OSBPL5: variants seen among roughly 807,000 people sequenced by gnomAD.
OSBPL5 encodes oxysterol binding protein like 5, also known as oxysterol-binding protein-related protein 5.
In OSBPL5, 71 loss-of-function variants were observed where a neutral mutation model predicts 111.2. The observed-to-expected ratio is 0.64, with a 90% confidence interval of 0.53 to 0.78. The LOEUF is 0.78. Ranked by LOEUF, OSBPL5 falls within the 30% of genes least tolerant of loss-of-function variation. OSBPL5 has a pLI of 0.00. For synonymous variants in OSBPL5, 549 were observed against 513.9 expected (o/e 1.07, Z -0.93); for missense variants, 1,210 against 1,189.3 (o/e 1.02, Z -0.26).
In OSBPL5 at chr11:3,121,967, C is replaced by G. The variant is rs1264438379; in HGVS notation, c.402+30G>C. ...TGGCAGCAGCACGCTGACCCGTGTC[C>G]TGGGTGGCCGGAGGCCGGGCATCAC... is the stretch of plus-strand genomic sequence containing the variant. On this transcript the variant is annotated intron_variant, in intron 5 of 21. Coordinates refer to ENST00000263650, the MANE Select transcript of OSBPL5 (RefSeq NM_020896.4). The surrounding 1 kb of genome is among the most constrained non-coding windows in gnomAD (Gnocchi z 4.3). 1.3e-6 allele frequency: 2 copies of G among 1,533,056 alleles called. No homozygotes were observed. The highest frequency in any genetic ancestry group is 1.8e-6 in the Non-Finnish European group (2 of 1,140,234). The allele number at this position is 1,533,056 out of a possible 1,614,324, so 95.0% of individuals were successfully genotyped here.
chr11:3,144,580 C>T (rs1436800879), intron 1 of OSBPL5, among the ~76,000 whole-genome samples: 2 of 152,256 alleles, frequency 1.3e-5, no homozygotes, highest in Non-Finnish European at 2.9e-5. Flanking sequence ...AGACAGCAGA[C>T]ACCGGCCCCA....
chr11:3,143,869 C>CTGA (rs1846237542), intron 1 of OSBPL5, among the ~76,000 whole-genome samples: 1 of 152,286 alleles, frequency 6.6e-6, no homozygotes, highest in East Asian at 1.9e-4. Context: ...GAGCAGGGCC[C>CTGA]GAGGAAGGCA....
intron 11 of OSBPL5, 143 bp downstream of exon 11, chr11:3,103,096 C>A (rs1857514009): frequency 1.5e-6 from 1 of 659,412 alleles, no homozygotes; most frequent in Non-Finnish European, 2.5e-6. Context: ...AGGACCTGGG[C>A]CCTCTGTGGG....
chr11:3,162,705 T>G lies in OSBPL5; in HGVS notation c.-22+2511A>C, dbSNP rs1847002439. ...AAGGCCCCAAAACCTTTAAAAATCT[T>G]GACCAGCCCAGGAGCCCCATCCTCA... On this transcript the variant is annotated intron_variant, in intron 1 of 21. Coordinates refer to ENST00000263650, the MANE Select transcript of OSBPL5 (RefSeq NM_020896.4). This position sits in a 1 kb window ranked among gnomAD's most constrained non-coding sequence, Gnocchi z 8.1. Among the ~76,000 whole-genome samples, 1 of 151,970 alleles carries G rather than the reference T, an allele frequency of 6.6e-6. No homozygotes were observed. Among genetic ancestry groups the G allele is most frequent in the Non-Finnish European group, 1.5e-5 (1 of 67,998 alleles).
At chr11:3,134,149 T>C (rs773405542) in intron 1 of OSBPL5, among the ~76,000 whole-genome samples, 29 of 152,340 alleles carry the variant, frequency 1.9e-4, no homozygotes, top group Non-Finnish European at 3.5e-4. Context: ...CTTCTGCAGC[T>C]TCCATTCCTG....
rs1564830527 is a variant in OSBPL5 at position 3,103,831 on chromosome 11, C to CCTGCCTCTG, written c.1244+361_1244+362insCAGAGGCAG. The stretch of plus-strand genomic sequence containing the variant: ...CTCTTCCTGCCTGCGCAGCCCCCTT[C>CCTGCCTCTG]CAGCCTCTGCAGCCCCTTTCCAGTC... On this transcript the variant is annotated intron_variant, in intron 10 of 21. Transcript: ENST00000263650. Among the ~76,000 whole-genome samples, 31 of 66,138 alleles carry CCTGCCTCTG rather than the reference C, an allele frequency of 4.7e-4. No homozygotes were observed. The East Asian group carries it at 6.0e-3, about 13-fold the overall frequency. The allele number at this position is 66,138 out of a possible 152,430, so 43.4% of individuals were successfully genotyped here.
chr11:3,116,804 G>A (rs920525578), intron 7 of OSBPL5, among the ~76,000 whole-genome samples: 2 of 146,382 alleles, frequency 1.4e-5, no homozygotes, highest in Non-Finnish European at 3.0e-5. Flanking sequence ...GCAGTGAGCC[G>A]AGATGGCGCC....
rs1340996211 is a variant in OSBPL5, at chr11:3,121,544, G to A, written c.402+453C>T. 2.6e-5 allele frequency among the ~76,000 whole-genome samples: 4 copies of A among 152,118 alleles called. No homozygotes were observed. Among genetic ancestry groups the A allele is most frequent in the African/African-American group, 9.7e-5 (4 of 41,404 alleles). On this transcript the variant is annotated intron_variant, in intron 5 of 21. Coordinates refer to ENST00000263650, the MANE Select transcript of OSBPL5 (RefSeq NM_020896.4). The surrounding 1 kb of genome is among the most constrained non-coding windows in gnomAD (Gnocchi z 4.3). ...CGTTGCCCAGCAGCCTCGGAGTTGG[G>A]CAGTTTTACCTCCACTGTACACAAG...
chr11:3,093,086 C>T, intron 17 of OSBPL5, 34 bp from the exon 18 acceptor site: 1 of 1,486,598 alleles, frequency 6.7e-7, no homozygotes, highest in Non-Finnish European at 9.0e-7. Flanking sequence ...AGCCAGTGGC[C>T]CGGGCAGCCC....
intron 1 of OSBPL5, among the ~76,000 whole-genome samples, chr11:3,135,125 C>A (rs952415408): frequency 6.6e-6 from 1 of 152,262 alleles, no homozygotes; most frequent in African/African-American, 2.4e-5. Flanking sequence ...CAGCTGACCG[C>A]CCCCGTGCGT....
At chr11:3,111,850 C>T (rs565606707) in intron 7 of OSBPL5, among the ~76,000 whole-genome samples, 14 of 152,270 alleles carry the variant, frequency 9.2e-5, no homozygotes, top group East Asian at 3.9e-4. Flanking sequence ...TCTGTGTCCT[C>T]GTTGAAATTT....
rs564597360 is a variant in OSBPL5, at chr11:3,121,251, T to C, written c.403-627A>G. On this transcript the variant is annotated intron_variant, in intron 5 of 21. Coordinates refer to ENST00000263650, the MANE Select transcript of OSBPL5 (RefSeq NM_020896.4). This position sits in a 1 kb window ranked among gnomAD's most constrained non-coding sequence, Gnocchi z 4.3. ...TTCTGTATTTTTAGTAGAGACGGGG[T>C]TTTGCCATTTTGGACAGGCTGGTCT... 4.2e-4 allele frequency among the ~76,000 whole-genome samples: 64 copies of C among 151,698 alleles called. No individual in the cohort carries two copies. The highest frequency in any genetic ancestry group is 6.9e-4 in the Non-Finnish European group (47 of 67,928).
rs1475206305 is a variant in OSBPL5, at chr11:3,121,770, C to T, written c.402+227G>A. 5.2e-6 allele frequency: 3 copies of T among 573,420 alleles called. No homozygotes were observed. The highest frequency in any genetic ancestry group is 2.1e-5 in the South Asian group (1 of 47,142). 35.5% of individuals were successfully genotyped at this position (573,420 alleles called of 1,614,324 possible). A position where few individuals can be genotyped will look rare whatever the true frequency, so the allele number is the denominator to read the frequency against. ...ATAATCAGGTGAAGATGGGGCTACA[C>T]TGGAGTAAGGTGGCCCTAATTCCTA... On this transcript the variant is annotated intron_variant, in intron 5 of 21. Transcript: ENST00000263650. This position sits in a 1 kb window ranked among gnomAD's most constrained non-coding sequence, Gnocchi z 4.3.
rs781098795 is a variant in OSBPL5, at chr11:3,107,490, C to A, written c.867-35G>T. The A allele has an allele frequency of 6.2e-7, 1 of 1,609,076 alleles. No individual in the cohort carries two copies. Among genetic ancestry groups the A allele is most frequent in the Admixed American group, 1.7e-5 (1 of 59,888 alleles). On this transcript the variant is annotated intron_variant, in intron 8 of 21. Coordinates refer to ENST00000263650, the MANE Select transcript of OSBPL5 (RefSeq NM_020896.4). The surrounding 1 kb of genome is among the most constrained non-coding windows in gnomAD (Gnocchi z 6.1). ...GGATGGTGCCAGTGGGTCCCTGTCACAGGTGAGAGCCCAGCACAGCCCTCT... is the reference window on the plus strand; with the variant it reads ...GGATGGTGCCAGTGGGTCCCTGTCAAAGGTGAGAGCCCAGCACAGCCCTCT...
At chr11:3,093,132 AC>A in intron 17 of OSBPL5, 80 bp from the exon 18 acceptor site, 1 of 1,392,902 alleles carries the variant, frequency 7.2e-7, no homozygotes, top group Non-Finnish European at 9.5e-7. Context: ...GCCCCTTGGC[AC>A]CAGAAGGAAG....
At chr11:3,156,203 C>T (rs970710609) in intron 1 of OSBPL5, among the ~76,000 whole-genome samples, 7 of 152,172 alleles carry the variant, frequency 4.6e-5, no homozygotes, top group South Asian at 2.1e-4. Context: ...AGAGTGCCCT[C>T]GGCCGTGCCC....
chr11:3,108,501 A>G (rs1327879332), intron 7 of OSBPL5, among the ~76,000 whole-genome samples: 1 of 152,108 alleles, frequency 6.6e-6, no homozygotes, highest in African/African-American at 2.4e-5. Context: ...GGGCTTGCAC[A>G]CCAGGGAGGA....
At chr11:3,112,075 A>ATGTGTGTGTGTGCATGTGTGTGTGCATG (rs137958534) in intron 7 of OSBPL5, among the ~76,000 whole-genome samples, 89 of 137,086 alleles carry the variant, frequency 6.5e-4, no homozygotes, top group Non-Finnish European at 8.5e-4. Flanking sequence ...GTGTGTGTGC[A>ATGTGTGTGTGTGCATGTGTGTGTGCATG]TGTGTGTGTG....
rs901301067 is a variant in OSBPL5, at chr11:3,106,399, C to A, written c.1059+864G>T. Among the ~76,000 whole-genome samples, 13 of 150,872 alleles carry A rather than the reference C, an allele frequency of 8.6e-5. No individual in the cohort carries two copies. Among genetic ancestry groups the A allele is most frequent in the Admixed American group, 2.0e-4 (3 of 15,198 alleles). ...CACAGAGCCCCCCGTTCCTGACAGC[C>A]CCCACCCCAGAGCGCAGCCCCCACC... is the stretch of plus-strand genomic sequence containing the variant. On this transcript the variant is annotated intron_variant, in intron 9 of 21. Coordinates refer to ENST00000263650, the MANE Select transcript of OSBPL5 (RefSeq NM_020896.4). The surrounding 1 kb of genome is among the most constrained non-coding windows in gnomAD (Gnocchi z 8.4).
Sources: gnomAD v4.1 joint callset for allele counts (sites outside exome capture counted in the v4.1 genomes callset) on GRCh38, gnomAD v4.1.1 for gene constraint, Gnocchi (gnomAD v3.1) non-coding constraint, MANE v1.5 for transcripts, NCBI Gene and HGNC (gene_info 2026-07-23, HGNC 2026-07-21) for gene names.